The following ELF4 variants were observed in gnomAD, a reference collection of about 807,000 sequenced individuals.
ELF4 encodes E74 like ETS transcription factor 4, also known as ETS-related transcription factor Elf-4.
ELF4 carries 10 observed loss-of-function variants against 31.7 expected under a neutral mutation model. That is an observed-to-expected ratio of 0.32 (90% CI 0.19 to 0.54). The LOEUF is 0.54. Ranked by LOEUF, ELF4 falls within the 20% of genes least tolerant of loss-of-function variation. The pLI is 0.95. For missense variants in ELF4, 418 were observed against 522.0 expected, an observed-to-expected ratio of 0.80 and a Z score of 1.94; for synonymous variants, 208 against 226.7, an observed-to-expected ratio of 0.92 and a Z score of 0.74.
chrX:130,069,711 C>T, intron 7 of ELF4, 34 bp from the exon 8 acceptor site: 1 of 1,208,000 alleles, frequency 8.3e-7, no homozygotes, highest in Admixed American at 2.2e-5. Flanking sequence ...TGGGAGTTAG[C>T]CGGGAGCTGG....
At chrX:130,095,686 G>T (rs965312478) in intron 1 of ELF4, among the ~76,000 whole-genome samples, 2 of 111,937 alleles carry the variant, frequency 1.8e-5, no homozygotes, top group Admixed American at 9.5e-5. Context: ...CGGAGAAGGA[G>T]TATTGTGGAG....
intron 2 of ELF4, among the ~76,000 whole-genome samples, chrX:130,078,766 C>CT (rs1932859243): frequency 3.4e-5 from 2 of 59,618 alleles, no homozygotes; most frequent in African/African-American, 7.3e-5. Context: ...TCTCTCTACA[C>CT]ACACACACAC....
rs3077212 is a variant in ELF4, at chrX:130,080,423, C to CAA, written c.75+831_75+832dup. On this transcript the variant is annotated intron_variant, in intron 2 of 8. Coordinates refer to ENST00000308167, the MANE Select transcript of ELF4 (RefSeq NM_001421.4). ...TGGGCGACAGAGTGAGACTTCGTTT[C>CAA]AAAAAAAAAAAAAAAAAAATAGGGT... 1.5e-3 allele frequency among the ~76,000 whole-genome samples: 82 copies of CAA among 56,326 alleles called. 1 individual carries two copies. The highest frequency in any genetic ancestry group is 4.2e-3 in the African/African-American group (64 of 15,090). The allele number at this position is 56,326 out of a possible 115,157, so 48.9% of individuals were successfully genotyped here. A position where few individuals can be genotyped will look rare whatever the true frequency, so the allele number is the denominator to read the frequency against.
At chrX:130,082,229 T>G (rs1932896861) in intron 1 of ELF4, among the ~76,000 whole-genome samples, 1 of 110,586 alleles carries the variant, frequency 9.0e-6, no homozygotes, top group Non-Finnish European at 1.9e-5. Context: ...GGCCTTACCC[T>G]GCTCTCAGGG....
chrX:130,085,067 G>A (rs1156731817), intron 1 of ELF4, among the ~76,000 whole-genome samples: 2 of 112,040 alleles, frequency 1.8e-5, no homozygotes, highest in Non-Finnish European at 3.8e-5. Context: ...TGAGGAGCCT[G>A]TGAACCCTTA....
chrX:130,107,344 G>C (rs1033785187), intron 1 of ELF4, among the ~76,000 whole-genome samples: 28 of 111,401 alleles, frequency 2.5e-4, no homozygotes, highest in Non-Finnish European at 4.1e-4. Flanking sequence ...CCAAATCCTA[G>C]GGCAAGACTC....
intron 1 of ELF4, among the ~76,000 whole-genome samples, chrX:130,092,443 C>T (rs1933076722): frequency 8.9e-6 from 1 of 112,552 alleles, no homozygotes; most frequent in African/African-American, 3.2e-5. Context: ...AGGGGACGCC[C>T]CAGTGGCAGG....
chrX:130,080,405 C>T (rs1932876205), intron 2 of ELF4, among the ~76,000 whole-genome samples: 1 of 85,140 alleles, frequency 1.2e-5, no homozygotes, highest in African/African-American at 4.8e-5. Context: ...GCCTGGGCGA[C>T]AGAGTGAGAC....
At chrX:130,101,325 T>C (rs1933248294) in intron 1 of ELF4, among the ~76,000 whole-genome samples, 1 of 112,539 alleles carries the variant, frequency 8.9e-6, no homozygotes, top group African/African-American at 3.2e-5. Context: ...CAGATAGTCA[T>C]GGATTTATTA....
At chrX:130,072,165 G>GCCCCCCCCCCCCCCCCCC in intron 5 of ELF4, 61 bp downstream of exon 5, 2 of 1,097,879 alleles carry the variant, frequency 1.8e-6, no homozygotes, top group Non-Finnish European at 2.5e-6. Flanking sequence ...AGCCCTGACC[G>GCCCCCCCCCCCCCCCCCC]CCCCCCCACG....
At chrX:130,111,321 C>T (rs1265202278), upstream of ELF4, among the ~76,000 whole-genome samples, 1 of 112,542 alleles carries the variant, frequency 8.9e-6, no homozygotes, top group Non-Finnish European at 1.9e-5. Flanking sequence ...GAAATCCCTT[C>T]CCCGCGGACT....
At chrX:130,075,876 C>T (rs943260230) in intron 2 of ELF4, among the ~76,000 whole-genome samples, 2 of 111,455 alleles carry the variant, frequency 1.8e-5, no homozygotes, top group African/African-American at 6.5e-5. Context: ...TCAGTCACTG[C>T]CTGGATGGGG....
intron 5 of ELF4, 124 bp from the exon 6 acceptor site, chrX:130,071,543 G>A (rs1465516518): frequency 4.8e-6 from 3 of 626,442 alleles, no homozygotes; most frequent in Admixed American, 2.7e-5. Context: ...GCCCCAGATC[G>A]CTCTCCACAG....
chrX:130,102,927 AG>A (rs1933304614), intron 1 of ELF4, among the ~76,000 whole-genome samples: 2 of 104,829 alleles, frequency 1.9e-5, no homozygotes, highest in Admixed American at 1.0e-4. Flanking sequence ...AGAAAGAGAG[AG>A]AAGGAGGGAG....
chrX:130,100,428 G>A (rs939083314), intron 1 of ELF4, among the ~76,000 whole-genome samples: 3 of 103,564 alleles, frequency 2.9e-5, no homozygotes, highest in East Asian at 6.1e-4. Flanking sequence ...TACCTACTCC[G>A]GCTTGTTTCC....
chrX:130,069,052 C>T (rs1174569013), intron 8 of ELF4, among the ~76,000 whole-genome samples: 4 of 110,720 alleles, frequency 3.6e-5, no homozygotes, highest in African/African-American at 1.3e-4. Flanking sequence ...GGTGAAACCC[C>T]GTCTCTACTA....
chrX:130,078,274 G>T (rs1335165030), intron 2 of ELF4, among the ~76,000 whole-genome samples: 1 of 108,995 alleles, frequency 9.2e-6, no homozygotes, highest in Non-Finnish European at 1.9e-5. Flanking sequence ...TCGAACTGCT[G>T]AACTCAGGTG....
intron 1 of ELF4, among the ~76,000 whole-genome samples, chrX:130,083,364 C>T (rs1932914206): frequency 9.5e-6 from 1 of 105,670 alleles, no homozygotes; most frequent in Admixed American, 1.0e-4. Flanking sequence ...TCCCCCCTGC[C>T]CCCCCAGCCT....
chrX:130,083,820 CTGGATGGATGGCTGGATGGATGGA>C (rs921169398), intron 1 of ELF4, among the ~76,000 whole-genome samples: 4 of 101,749 alleles, frequency 3.9e-5, no homozygotes, highest in Non-Finnish European at 8.0e-5. Context: ...GGGTGGATGG[CTGGATGGATGGCTGGATGGATGGA>C]TGGATGGATG....
Sources: allele counts gnomAD v4.1 joint callset (sites outside exome capture counted in the v4.1 genomes callset), GRCh38; gene constraint gnomAD v4.1.1; transcripts MANE v1.5; gene names NCBI Gene and HGNC (gene_info 2026-07-23, HGNC 2026-07-21).